Variants in OPCML observed in about 807,000 individuals in gnomAD.
OPCML encodes the protein opioid-binding protein/cell adhesion molecule.
A neutral mutation model predicts 37.8 loss-of-function variants in OPCML; 13 were observed. That is an observed-to-expected ratio of 0.34 (90% confidence interval 0.22 to 0.55). The LOEUF (loss-of-function observed/expected upper bound fraction) is 0.55, where lower values mean the gene tolerates loss of function less well. Among genes scored for constraint, OPCML ranks in the 20% least tolerant of loss-of-function variants. The pLI, the probability that OPCML is intolerant of heterozygous loss-of-function variation, is 0.91. For missense variants in OPCML, 341 were observed against 435.6 expected, an observed-to-expected ratio of 0.78 and a Z score of 1.93; for synonymous variants, 176 against 168.8, an observed-to-expected ratio of 1.04 and a Z score of -0.33.
intron 1 of OPCML, among the ~76,000 whole-genome samples, chr11:133,030,897 C>G (rs1591929934): frequency 6.6e-6 from 1 of 151,274 alleles, no homozygotes; most frequent in African/African-American, 2.4e-5. Context: ...TTTTTTTTTC[C>G]AAAGAAGGCA....
In OPCML at chr11:133,532,488, C is replaced by A. The variant is rs1209942557; in HGVS notation, c.-164G>T. On this transcript the variant is annotated 5_prime_UTR_variant, in exon 1 of 8. Coordinates refer to ENST00000524381, the MANE Select transcript of OPCML (RefSeq NM_001012393.5). The stretch of plus-strand genomic sequence containing the variant: ...AGAGCGCGCGAGAGATGGGAGCAGG[C>A]AGGCAGCGTCTCTGATTTCTTTTCT... The A allele has an allele frequency of 4.1e-6, 3 of 740,326 alleles. No individual in the cohort carries two copies. In the African/African-American group the frequency reaches 5.2e-5, roughly 13 times the overall value. 45.9% of individuals were successfully genotyped at this position (740,326 alleles called of 1,614,324 possible).
intron 1 of OPCML, among the ~76,000 whole-genome samples, chr11:133,244,251 A>G (rs1024336537): frequency 1.3e-5 from 2 of 151,978 alleles, no homozygotes; most frequent in Non-Finnish European, 2.9e-5. Context: ...TCACATTTCA[A>G]TGTCTTCATC....
intron 1 of OPCML, among the ~76,000 whole-genome samples, chr11:133,355,237 C>CATT (rs1944256503): frequency 6.6e-6 from 1 of 152,198 alleles, no homozygotes; most frequent in Non-Finnish European, 1.5e-5. Flanking sequence ...AGCCTCAGTC[C>CATT]ATTTTCTAAT....
At chr11:133,521,183 T>C (rs1948390073) in intron 1 of OPCML, among the ~76,000 whole-genome samples, 1 of 152,192 alleles carries the variant, frequency 6.6e-6, no homozygotes, top group Non-Finnish European at 1.5e-5. Context: ...TCCTGACCTT[T>C]GGGTCCACTT....
chr11:132,453,758 G>A (rs1398634722), intron 4 of OPCML, among the ~76,000 whole-genome samples: 2 of 152,202 alleles, frequency 1.3e-5, no homozygotes, highest in African/African-American at 4.8e-5. Flanking sequence ...GCTCAAAGAA[G>A]CCTTGAAATG....
rs368522681 is a variant in OPCML at position 132,476,400 on chromosome 11, T to C, written c.506-39041A>G. On this transcript the variant is annotated intron_variant, in intron 4 of 7. Transcript: ENST00000524381. Reference sequence around the variant, plus strand: ...AAAGACACATGCACACGTATGTTTATTGCGGCACTATTCACAATAGCAAAG... The same window carrying C: ...AAAGACACATGCACACGTATGTTTACTGCGGCACTATTCACAATAGCAAAG... Among the ~76,000 whole-genome samples, 56 of 152,180 alleles carry C rather than the reference T, an allele frequency of 3.7e-4. No homozygotes were observed. In the East Asian group the frequency reaches 9.5e-3, roughly 26 times the overall value.
intron 1 of OPCML, among the ~76,000 whole-genome samples, chr11:133,001,958 C>A (rs907886929): frequency 2.0e-5 from 3 of 152,170 alleles, no homozygotes; most frequent in Non-Finnish European, 4.4e-5. Flanking sequence ...TAACTGTCAT[C>A]TTTTAAGTGA....
In OPCML at chr11:133,215,286, G is replaced by A. The variant is rs560888703; in HGVS notation, c.62-272276C>T. 7.2e-5 allele frequency among the ~76,000 whole-genome samples: 11 copies of A among 152,204 alleles called. No individual in the cohort carries two copies. The South Asian group carries it at 8.3e-4, about 11-fold the overall frequency. On this transcript the variant is annotated intron_variant, in intron 1 of 7. Coordinates refer to ENST00000524381, the MANE Select transcript of OPCML (RefSeq NM_001012393.5). ...CACAAACACCCATCTCTTTAAAATC[G>A]CGAGGCCACTAATCACGGGGTTTGA... is the stretch of plus-strand genomic sequence containing the variant.
At chr11:133,373,924 TTA>T (rs1944741494) in intron 1 of OPCML, among the ~76,000 whole-genome samples, 1 of 152,232 alleles carries the variant, frequency 6.6e-6, no homozygotes. Flanking sequence ...TGCTAATTTT[TTA>T]GTGATATAAA....
intron 4 of OPCML, among the ~76,000 whole-genome samples, chr11:132,445,222 A>G: frequency 6.6e-6 from 1 of 152,212 alleles, no homozygotes; most frequent in East Asian, 1.9e-4. Flanking sequence ...TACATTAATA[A>G]AGATCTCCAT....
chr11:132,749,173 G>T (rs1369851559), intron 2 of OPCML, among the ~76,000 whole-genome samples: 2 of 152,152 alleles, frequency 1.3e-5, no homozygotes, highest in Admixed American at 6.5e-5. Flanking sequence ...ATAGCTGTCA[G>T]TGCCCAGAAG....
At chr11:133,055,052 C>T (rs534863379) in intron 1 of OPCML, among the ~76,000 whole-genome samples, 68 of 151,378 alleles carry the variant, frequency 4.5e-4, no homozygotes, top group African/African-American at 1.6e-3. Flanking sequence ...CTGTACAATG[C>T]TGCCTCCATG....
At chr11:132,553,777 G>A (rs2096387917) in intron 3 of OPCML, among the ~76,000 whole-genome samples, 1 of 152,162 alleles carries the variant, frequency 6.6e-6, no homozygotes, top group African/African-American at 2.4e-5. Flanking sequence ...ATGCATTCCT[G>A]TACGTTTTCC....
At chr11:133,176,337 C>CA (rs113697893) in intron 1 of OPCML, among the ~76,000 whole-genome samples, 1 of 140,034 alleles carries the variant, frequency 7.1e-6, no homozygotes, top group East Asian at 2.1e-4. Flanking sequence ...CTTCATTTTC[C>CA]TTTTTTTTTT....
chr11:133,028,718 A>T (rs1037489833), intron 1 of OPCML, among the ~76,000 whole-genome samples: 1 of 152,302 alleles, frequency 6.6e-6, no homozygotes, highest in Admixed American at 6.5e-5. Flanking sequence ...CTTAAGATGG[A>T]TTAAAGACTT....
At chr11:132,544,723 C>T (rs1253683135) in intron 3 of OPCML, among the ~76,000 whole-genome samples, 1 of 152,146 alleles carries the variant, frequency 6.6e-6, no homozygotes, top group Non-Finnish European at 1.5e-5. Flanking sequence ...GCTGAAAAAC[C>T]TCTTCGCTGG....
At chr11:133,241,044 C>T (rs532007811) in intron 1 of OPCML, among the ~76,000 whole-genome samples, 22 of 152,306 alleles carry the variant, frequency 1.4e-4, no homozygotes, top group African/African-American at 4.8e-4. Flanking sequence ...GCAGAGAAAA[C>T]GCAGCCCTTC....
intron 2 of OPCML, among the ~76,000 whole-genome samples, chr11:132,833,111 A>G (rs1457504653): frequency 2.6e-5 from 4 of 151,582 alleles, no homozygotes; most frequent in African/African-American, 9.7e-5. Flanking sequence ...TTCAATAATA[A>G]ACTAATCTTC....
chr11:133,056,132 A>G (rs1483259225), intron 1 of OPCML, among the ~76,000 whole-genome samples: 1 of 152,264 alleles, frequency 6.6e-6, no homozygotes, highest in African/African-American at 2.4e-5. Flanking sequence ...GAGGAAGGGA[A>G]GCAAAACAAA....
Sources: allele counts gnomAD v4.1 joint callset (sites outside exome capture counted in the v4.1 genomes callset), GRCh38; gene constraint gnomAD v4.1.1; transcripts MANE v1.5; gene names NCBI Gene and HGNC (gene_info 2026-07-23, HGNC 2026-07-21).